TMPRSS11D: variants seen among roughly 807,000 people sequenced by gnomAD.
TMPRSS11D encodes the protein transmembrane serine protease 11D, also known as transmembrane protease serine 11D.
TMPRSS11D carries 32 observed loss-of-function variants against 44.4 expected under a neutral mutation model. That is an observed-to-expected ratio of 0.72 (90% confidence interval 0.54 to 0.97). The LOEUF is 0.97. Ranked by LOEUF, TMPRSS11D falls within the 50% of genes least tolerant of loss-of-function variation. The pLI is 0.00. For synonymous variants in TMPRSS11D, 179 were observed against 177.9 expected, an observed-to-expected ratio of 1.01 and a Z score of -0.05; for missense variants, 446 against 502.6, an observed-to-expected ratio of 0.89 and a Z score of 1.08.
At chr4:67,860,923 A>G (rs1718779009) in intron 1 of TMPRSS11D, among the ~76,000 whole-genome samples, 1 of 152,060 alleles carries the variant, frequency 6.6e-6, no homozygotes, top group African/African-American at 2.4e-5. Context: ...GATATTTTGT[A>G]TTGTGCCACC....
intron 1 of TMPRSS11D, among the ~76,000 whole-genome samples, chr4:67,865,719 A>G (rs889952021): frequency 8.5e-5 from 13 of 152,102 alleles, no homozygotes; most frequent in Admixed American, 2.6e-4. Flanking sequence ...GAAAACCTAG[A>G]GGAAATCAAT....
rs796488482 is a variant in TMPRSS11D, at chr4:67,865,404, T to A, written c.9-5726A>T. 2.0e-5 allele frequency among the ~76,000 whole-genome samples: 3 copies of A among 151,282 alleles called. No homozygotes were observed. The East Asian group carries it at 5.8e-4, about 29-fold the overall frequency. ...GGAATTTTATATCATTAAATCCCAA[T>A]GATGTACCTTAAGGAACTAGAAAAA... is the stretch of plus-strand genomic sequence containing the variant. On this transcript the variant is annotated intron_variant, in intron 1 of 9. Transcript: ENST00000283916.
At chr4:67,849,055 G>C (rs566596150) in intron 3 of TMPRSS11D, among the ~76,000 whole-genome samples, 4 of 152,262 alleles carry the variant, frequency 2.6e-5, no homozygotes, top group African/African-American at 9.6e-5. Flanking sequence ...TGCAGCAATG[G>C]ATATGGAGAG....
At chr4:67,832,861 GTC>G (rs1717980399) in intron 7 of TMPRSS11D, among the ~76,000 whole-genome samples, 1 of 151,844 alleles carries the variant, frequency 6.6e-6, no homozygotes, top group African/African-American at 2.4e-5. Flanking sequence ...GTAACACTAA[GTC>G]ACAGATAACA....
At chr4:67,874,693 C>T (rs1247255381) in intron 1 of TMPRSS11D, among the ~76,000 whole-genome samples, 1 of 151,782 alleles carries the variant, frequency 6.6e-6, no homozygotes, top group Non-Finnish European at 1.5e-5. Context: ...TAATAAAGAG[C>T]CTAAAGAAAG....
chr4:67,870,813 CAAAA>C (rs11318143), intron 1 of TMPRSS11D, among the ~76,000 whole-genome samples: 3 of 133,948 alleles, frequency 2.2e-5, no homozygotes, highest in Middle Eastern at 3.8e-3. Context: ...GACCCTGTCT[CAAAA>C]AAAAAAAAAA....
chr4:67,842,473 G>A, intron 4 of TMPRSS11D, 85 bp downstream of exon 4: 1 of 1,167,458 alleles, frequency 8.6e-7, no homozygotes, highest in Non-Finnish European at 1.3e-6. Flanking sequence ...ATCTGAACAT[G>A]TCATTTACTA....
At chr4:67,828,736 C>T (rs774240703) in intron 7 of TMPRSS11D, among the ~76,000 whole-genome samples, 5 of 152,040 alleles carry the variant, frequency 3.3e-5, no homozygotes, top group African/African-American at 4.8e-5. Flanking sequence ...TATGGCTTTA[C>T]TAATACAATC....
intron 5 of TMPRSS11D, among the ~76,000 whole-genome samples, chr4:67,835,732 A>G (rs1476172807): frequency 1.3e-5 from 2 of 152,166 alleles, no homozygotes; most frequent in Non-Finnish European, 2.9e-5. Flanking sequence ...TCTGCACTGT[A>G]TTTTGAAGAT....
chr4:67,821,973 G>A lies in TMPRSS11D; in HGVS notation c.*364C>T, dbSNP rs190559385. On this transcript the variant is annotated 3_prime_UTR_variant, in exon 10 of 10. Coordinates refer to ENST00000283916, the MANE Select transcript of TMPRSS11D (RefSeq NM_004262.3). Reference sequence around the variant, plus strand: ...TACTTCTCATCCTCAGTGAAACCCAGAGAAGACCCCTCTGACCCATCAGAC... The same window carrying A: ...TACTTCTCATCCTCAGTGAAACCCAAAGAAGACCCCTCTGACCCATCAGAC... 57 of 163,608 alleles carry A rather than the reference G, an allele frequency of 3.5e-4. No homozygotes were observed. Among genetic ancestry groups the A allele is most frequent in the South Asian group, 1.2e-3 (6 of 5,116 alleles). 10.1% of individuals were successfully genotyped at this position (163,608 alleles called of 1,614,324 possible). A position where few individuals can be genotyped will look rare whatever the true frequency, so the allele number is the denominator to read the frequency against.
intron 8 of TMPRSS11D, among the ~76,000 whole-genome samples, chr4:67,826,258 G>T (rs1245158552): frequency 1.3e-5 from 2 of 152,072 alleles, no homozygotes; most frequent in South Asian, 2.1e-4. Flanking sequence ...CAAGGCTAAA[G>T]AACTAGTCTA....
At chr4:67,864,228 C>G (rs1718863503) in intron 1 of TMPRSS11D, among the ~76,000 whole-genome samples, 1 of 151,894 alleles carries the variant, frequency 6.6e-6, no homozygotes, top group African/African-American at 2.4e-5. Context: ...TTATTTTGCT[C>G]TATATCATTC....
intron 1 of TMPRSS11D, among the ~76,000 whole-genome samples, chr4:67,879,173 G>A (rs1211379608): frequency 6.6e-6 from 1 of 151,846 alleles, no homozygotes; most frequent in African/African-American, 2.4e-5. Context: ...GAATCACACA[G>A]AATGTAAGAA....
chr4:67,834,499 A>G (rs1718027158), intron 6 of TMPRSS11D, among the ~76,000 whole-genome samples: 1 of 151,460 alleles, frequency 6.6e-6, no homozygotes, highest in Non-Finnish European at 1.5e-5. Flanking sequence ...ACATTGAACT[A>G]ATTTTTAACT....
chr4:67,837,262 C>T (rs1335952430), intron 5 of TMPRSS11D, among the ~76,000 whole-genome samples: 1 of 152,096 alleles, frequency 6.6e-6, no homozygotes, highest in Non-Finnish European at 1.5e-5. Flanking sequence ...AACTGCAGTG[C>T]GTGAGCATTG....
intron 1 of TMPRSS11D, among the ~76,000 whole-genome samples, chr4:67,865,237 G>GA (rs1040056911): frequency 1.8e-4 from 26 of 148,462 alleles, no homozygotes; most frequent in South Asian, 1.5e-3. Context: ...ATAAAAACAT[G>GA]AAAAAAAAAC....
chr4:67,840,365 C>T (rs1454188821), intron 4 of TMPRSS11D, among the ~76,000 whole-genome samples: 1 of 152,038 alleles, frequency 6.6e-6, no homozygotes, highest in South Asian at 2.1e-4. Flanking sequence ...CCACAAGGTC[C>T]CTCCCACAAC....
intron 8 of TMPRSS11D, among the ~76,000 whole-genome samples, chr4:67,826,586 T>C (rs1354752466): frequency 6.6e-6 from 1 of 152,108 alleles, no homozygotes; most frequent in Non-Finnish European, 1.5e-5. Context: ...CATCGAGTTT[T>C]TGCCATATCC....
chr4:67,872,041 TGTTA>T (rs1719072135), intron 1 of TMPRSS11D, among the ~76,000 whole-genome samples: 1 of 152,146 alleles, frequency 6.6e-6, no homozygotes, highest in African/African-American at 2.4e-5. Flanking sequence ...TACTGATTAA[TGTTA>T]GTTAGGGATA....
Sources: gnomAD v4.1 joint callset for allele counts (sites outside exome capture counted in the v4.1 genomes callset) on GRCh38, gnomAD v4.1.1 for gene constraint, MANE v1.5 for transcripts, NCBI Gene and HGNC (gene_info 2026-07-23, HGNC 2026-07-21) for gene names.